The following ADGRV1 variants were observed in gnomAD, a reference collection of about 807,000 sequenced individuals.
ADGRV1 encodes G-protein coupled receptor 98.
In ADGRV1, 359 loss-of-function variants were observed where a neutral mutation model predicts 596.2. The observed-to-expected ratio is 0.60, with a 90% CI of 0.55 to 0.66. The LOEUF is 0.66. ADGRV1 is among the 30% of genes least tolerant of loss of function. The pLI, the probability that ADGRV1 is intolerant of heterozygous loss-of-function variation, is 0.00. For missense variants in ADGRV1, 7,274 were observed against 7,575.6 expected, an observed-to-expected ratio of 0.96 and a Z score of 1.48; for synonymous variants, 2,681 against 2,679.2, an observed-to-expected ratio of 1.00 and a Z score of -0.02.
chr5:90,746,946 A>G (rs1754693618), intron 52 of ADGRV1, among the ~76,000 whole-genome samples: 1 of 152,190 alleles, frequency 6.6e-6, no homozygotes, highest in Admixed American at 6.5e-5. Context: ...AATTCTAGAG[A>G]GGGCAAGGGG....
chr5:90,851,134 T>TGTGAGA lies in ADGRV1; in HGVS notation c.17205-2149_17205-2148insTGAGAG, dbSNP rs757909771. On this transcript the variant is annotated intron_variant, in intron 79 of 89. Coordinates refer to ENST00000405460, the MANE Select transcript of ADGRV1 (RefSeq NM_032119.4). ...GTGTGTGTGTGTGTGTGTGTGTGTG[T>TGTGAGA]GAGAGAGAGAGAGAGAGAGAGAGAG... 4.6e-3 allele frequency among the ~76,000 whole-genome samples: 378 copies of TGTGAGA among 81,506 alleles called. 2 individuals carry two copies. Among genetic ancestry groups the TGTGAGA allele is most frequent in the Non-Finnish European group, 7.9e-3 (298 of 37,946 alleles). The allele number at this position is 81,506 out of a possible 152,430, so 53.5% of individuals were successfully genotyped here.
intron 21 of ADGRV1, among the ~76,000 whole-genome samples, chr5:90,663,752 T>C (rs1247646756): frequency 2.0e-5 from 3 of 152,094 alleles, no homozygotes; most frequent in Non-Finnish European, 4.4e-5. Context: ...TTAGGTCTAA[T>C]GTTTAAGTCT....
intron 81 of ADGRV1, among the ~76,000 whole-genome samples, chr5:90,854,695 G>A (rs1442241811): frequency 1.3e-5 from 2 of 152,114 alleles, no homozygotes; most frequent in African/African-American, 4.8e-5. Context: ...AATCTCCTCG[G>A]CCTCAGGCCT....
chr5:90,827,648 A>G (rs1764177623), intron 76 of ADGRV1, among the ~76,000 whole-genome samples: 1 of 152,180 alleles, frequency 6.6e-6, no homozygotes, highest in Non-Finnish European at 1.5e-5. Flanking sequence ...ATAGTGCTTT[A>G]GTTTATTGTA....
intron 85 of ADGRV1, among the ~76,000 whole-genome samples, chr5:91,050,780 G>A (rs1360524043): frequency 6.6e-6 from 1 of 152,164 alleles, no homozygotes; most frequent in East Asian, 1.9e-4. Context: ...GATTGCTTGA[G>A]CCCAGAAGGT....
At chr5:90,908,383 T>C (rs567660235) in intron 83 of ADGRV1, among the ~76,000 whole-genome samples, 11 of 152,324 alleles carry the variant, frequency 7.2e-5, no homozygotes, top group South Asian at 2.1e-4. Flanking sequence ...ACAATTCAAT[T>C]GTACGCTTAG....
rs116427233 is a variant in ADGRV1 at position 90,776,285 on chromosome 5, A to G, written c.12404-168A>G. On this transcript the variant is annotated intron_variant, in intron 60 of 89. Transcript: ENST00000405460. Reference sequence around the variant, plus strand: ...TTTGCCTCCATGTCTTCAAGACCTCAATGTGCTTCAGAGTCATAGGTAAAA... The same window carrying G: ...TTTGCCTCCATGTCTTCAAGACCTCGATGTGCTTCAGAGTCATAGGTAAAA... 3.5e-3 allele frequency among the ~76,000 whole-genome samples: 536 copies of G among 152,258 alleles called. 5 individuals carry two copies. Among genetic ancestry groups the G allele is most frequent in the African/African-American group, 0.012 (514 of 41,554 alleles).
intron 87 of ADGRV1, among the ~76,000 whole-genome samples, chr5:91,146,064 G>A (rs775264007): frequency 3.9e-5 from 6 of 152,110 alleles, no homozygotes; most frequent in Admixed American, 2.0e-4. Flanking sequence ...GCCATTTTTC[G>A]CAAAATGAAG....
At chr5:90,877,956 G>T (rs1158005586) in intron 83 of ADGRV1, among the ~76,000 whole-genome samples, 6 of 152,220 alleles carry the variant, frequency 3.9e-5, no homozygotes, top group African/African-American at 1.2e-4. Flanking sequence ...TATAGTTTCT[G>T]TGATATTACC....
At chr5:90,684,889 C>T (rs533557734) in intron 28 of ADGRV1, among the ~76,000 whole-genome samples, 1 of 152,044 alleles carries the variant, frequency 6.6e-6, no homozygotes, top group African/African-American at 2.4e-5. Flanking sequence ...GGGAAGAAGG[C>T]GAAGCGGTTA....
At chr5:90,591,798 AAC>A (rs1411656545) in intron 1 of ADGRV1, among the ~76,000 whole-genome samples, 1 of 152,260 alleles carries the variant, frequency 6.6e-6, no homozygotes, top group African/African-American at 2.4e-5. Context: ...TAATAAGAAT[AAC>A]ACAAGTTATT....
At chr5:91,099,280 A>G (rs1791157937) in intron 86 of ADGRV1, among the ~76,000 whole-genome samples, 1 of 151,358 alleles carries the variant, frequency 6.6e-6, no homozygotes, top group African/African-American at 2.4e-5. Context: ...AAAAAAAAAA[A>G]GTGTTCGGGT....
intron 58 of ADGRV1, 186 bp from the exon 59 acceptor site, chr5:90,763,119 C>T (rs1756685925): frequency 4.0e-6 from 2 of 494,018 alleles, no homozygotes; most frequent in African/African-American, 1.9e-5. Context: ...GAAATGCCAA[C>T]TAGTTGAGCA....
chr5:91,020,845 A>T (rs560561324), intron 85 of ADGRV1, among the ~76,000 whole-genome samples: 4 of 152,032 alleles, frequency 2.6e-5, no homozygotes, highest in Non-Finnish European at 5.9e-5. Flanking sequence ...AATCTTTGAA[A>T]TATTATTTAA....
chr5:90,993,962 G>A (rs1162076501), intron 85 of ADGRV1, among the ~76,000 whole-genome samples: 2 of 141,674 alleles, frequency 1.4e-5, no homozygotes, highest in Admixed American at 7.0e-5. Flanking sequence ...CAATTGACCT[G>A]TCTTCACATT....
chr5:90,604,901 G>C (rs11960459), intron 1 of ADGRV1, among the ~76,000 whole-genome samples: 9,269 of 152,188 alleles, frequency 0.061, 939 homozygotes, highest in African/African-American at 0.21. Context: ...AAATGTGGGA[G>C]AGAGAAAGCA....
At position 90,692,647 on chromosome 5, in the gene ADGRV1, A is replaced by T. The variant is rs193030567; in HGVS notation, c.6994A>T (p.Ile2332Phe). 449 of 1,611,626 alleles carry T rather than the reference A, an allele frequency of 2.8e-4. 1 individual carries two copies. The Middle Eastern group carries it at 3.5e-3, about 12-fold the overall frequency. Residue 2332 changes from isoleucine to phenylalanine, a missense_variant, in exon 32 of 90, where the codon ATT becomes TTT. Physicochemically the swap from Ile to Phe is conservative, Grantham distance 21. Transcript: ENST00000405460. Reference protein sequence around the residue: ...QLTDASGGGTIGLDRIANIII... With the variant: ...QLTDASGGGTFGLDRIANIII... ...AACTGATGCCTCTGGTGGAGGTACT[A>T]TTGGGTTAGATCGAATTGCAAATAT...
At chr5:90,928,994 G>T (rs951774222) in intron 83 of ADGRV1, among the ~76,000 whole-genome samples, 2 of 149,538 alleles carry the variant, frequency 1.3e-5, no homozygotes, top group Non-Finnish European at 3.0e-5. Context: ...CCCGTTCTCA[G>T]ATCTCCAGCT....
At chr5:91,032,903 G>A (rs1210265278) in intron 85 of ADGRV1, among the ~76,000 whole-genome samples, 1 of 152,084 alleles carries the variant, frequency 6.6e-6, no homozygotes, top group Non-Finnish European at 1.5e-5. Flanking sequence ...CCAGCTTTCT[G>A]TTCTGCTGTG....
Sources: gnomAD v4.1 joint callset for allele counts (sites outside exome capture counted in the v4.1 genomes callset) on GRCh38, gnomAD v4.1.1 for gene constraint, MANE v1.5 for transcripts, NCBI Gene and HGNC (gene_info 2026-07-23, HGNC 2026-07-21) for gene names.